DNAJC8: variants seen among roughly 807,000 people sequenced by gnomAD.
The protein encoded by DNAJC8 is dnaJ homolog subfamily C member 8.
DNAJC8 carries 24 observed loss-of-function variants against 43.2 expected under a neutral mutation model. The ratio of observed to expected loss-of-function variants is 0.56; its 90% confidence interval spans 0.40 to 0.78. The LOEUF (loss-of-function observed/expected upper bound fraction) is 0.78, where lower values mean the gene tolerates loss of function less well. Among genes scored for constraint, DNAJC8 ranks in the 30% least tolerant of loss-of-function variants. The probability of loss-of-function intolerance (pLI) is 0.00; values close to 1 mark genes in which losing one functional copy is unlikely to be tolerated. For missense variants in DNAJC8, 207 were observed against 299.4 expected (o/e 0.69, Z 2.28); for synonymous variants, 83 against 98.0 (o/e 0.85, Z 0.90).
At position 28,201,400 on chromosome 1, in the gene DNAJC8, G is replaced by A. The variant is rs1469179374; in HGVS notation, c.640-30C>T. ...GTACAAAAGAAGTTTGAGGTGAGGA[G>A]ACCAGTCAATGAGTGGAAAGGCCTA... On this transcript the variant is annotated intron_variant, in intron 8 of 8. Transcript: ENST00000263697. 4 of 1,613,156 alleles carry A rather than the reference G, an allele frequency of 2.5e-6. No individual in the cohort carries two copies. The East Asian group carries it at 8.9e-5, about 36-fold the overall frequency.
intron 5 of DNAJC8, among the ~76,000 whole-genome samples, 165 bp downstream of exon 5, chr1:28,209,807 C>A (rs1646798412): frequency 6.6e-6 from 1 of 152,186 alleles, no homozygotes; most frequent in Non-Finnish European, 1.5e-5. Context: ...TGAATTACAG[C>A]TTCAGGCACA....
chr1:28,222,559 A>T (rs1646906100), intron 2 of DNAJC8, among the ~76,000 whole-genome samples: 2 of 152,136 alleles, frequency 1.3e-5, no homozygotes, highest in Non-Finnish European at 2.9e-5. Context: ...ACAATTTTAA[A>T]AATTGAAAAA....
intron 2 of DNAJC8, among the ~76,000 whole-genome samples, chr1:28,222,793 A>C (rs1646907744): frequency 6.6e-6 from 1 of 152,116 alleles, no homozygotes. Flanking sequence ...GGGCATCCAC[A>C]GAGAAGGACA....
At chr1:28,207,172 G>T (rs1208624123) in intron 6 of DNAJC8, among the ~76,000 whole-genome samples, 3 of 151,886 alleles carry the variant, frequency 2.0e-5, no homozygotes, top group Non-Finnish European at 2.9e-5. Flanking sequence ...GAGGTCAGGA[G>T]TTTGAGATCA....
In DNAJC8 at chr1:28,228,993, G is replaced by A. The variant is rs759827210; in HGVS notation, c.109C>T (p.Leu37=). ...VKQIEKRDSV[L]TSKNQIERLT... ...CTTTCAATCTGATTTTTCGAAGTTA[G>A]AACCGAGTCTCTCTTCTCTATTTGT... The change falls in exon 2 of 9, where the codon CTA becomes TTA. Residue 37 remains leucine (L), a synonymous_variant. Coordinates refer to ENST00000263697, the MANE Select transcript of DNAJC8 (RefSeq NM_014280.3). 7.4e-6 allele frequency: 12 copies of A among 1,613,840 alleles called. No individual in the cohort carries two copies. The highest frequency in any genetic ancestry group is 1.3e-5 in the African/African-American group (1 of 74,920).
At chr1:28,226,789 G>GT (rs1646938101) in intron 2 of DNAJC8, among the ~76,000 whole-genome samples, 1 of 151,114 alleles carries the variant, frequency 6.6e-6, no homozygotes, top group African/African-American at 2.4e-5. Context: ...CATGACTAGA[G>GT]TAAGTTTCCT....
intron 3 of DNAJC8, among the ~76,000 whole-genome samples, chr1:28,214,442 G>A (rs1464655140): frequency 6.6e-6 from 1 of 152,200 alleles, no homozygotes; most frequent in Non-Finnish European, 1.5e-5. Context: ...GCTGAGGCAG[G>A]AGAACTGCTT....
intron 2 of DNAJC8, among the ~76,000 whole-genome samples, chr1:28,223,823 T>C (rs1477818343): frequency 6.6e-6 from 1 of 151,972 alleles, no homozygotes; most frequent in Non-Finnish European, 1.5e-5. Context: ...GGATGTTGGG[T>C]GTAAACATAT....
At chr1:28,215,135 T>C (rs921815024) in intron 2 of DNAJC8, 139 bp from the exon 3 acceptor site, 2 of 558,992 alleles carry the variant, frequency 3.6e-6, no homozygotes, top group Non-Finnish European at 6.1e-6. Context: ...TGGCACACAG[T>C]TCTAGAAATT....
rs541704843 is a variant in DNAJC8, at chr1:28,223,952, A to G, written c.180+4970T>C. 5.9e-5 allele frequency among the ~76,000 whole-genome samples: 9 copies of G among 152,284 alleles called. No individual in the cohort carries two copies. In the East Asian group the frequency reaches 1.5e-3, roughly 26 times the overall value. ...ATATCATTCTCTGCCAAAAGGAACC[A>G]GCGCTCCTTGGTGAAATGGTTAATT... On this transcript the variant is annotated intron_variant, in intron 2 of 8. Transcript: ENST00000263697.
intron 2 of DNAJC8, among the ~76,000 whole-genome samples, chr1:28,224,243 A>G (rs1646918311): frequency 6.6e-6 from 1 of 152,182 alleles, no homozygotes; most frequent in Non-Finnish European, 1.5e-5. Flanking sequence ...TATTCATTAC[A>G]AAGGGGAAAA....
At chr1:28,227,745 TTTAAA>T (rs1363025697) in intron 2 of DNAJC8, among the ~76,000 whole-genome samples, 1 of 151,972 alleles carries the variant, frequency 6.6e-6, no homozygotes, top group Admixed American at 6.6e-5. Flanking sequence ...GCCCCATCTC[TTTAAA>T]AAAGAAAAAG....
chr1:28,226,347 A>G (rs1181740513), intron 2 of DNAJC8, among the ~76,000 whole-genome samples: 1 of 151,194 alleles, frequency 6.6e-6, no homozygotes, highest in African/African-American at 2.4e-5. Flanking sequence ...TACAAAAAAT[A>G]CAAAAATTAG....
At chr1:28,205,150 C>T (rs560135952) in intron 7 of DNAJC8, 108 bp downstream of exon 7, 1 of 789,646 alleles carries the variant, frequency 1.3e-6, no homozygotes, top group South Asian at 1.9e-5. Context: ...TTTTTATAGT[C>T]TCTTAAATGG....
In DNAJC8 at chr1:28,232,781, C is replaced by G. The variant is rs1646989465; in HGVS notation, c.78+140G>C. ...CTATCAGTGGGAGACGCTCACACAC[C>G]CCCAGACCCCCGCCACCCCGAAGAC... is the stretch of plus-strand genomic sequence containing the variant. On this transcript the variant is annotated intron_variant, in intron 1 of 8. Transcript: ENST00000263697. The G allele has an allele frequency of 1.5e-5, 13 of 839,614 alleles. 1 individual carries two copies. The South Asian group carries it at 2.1e-4, about 14-fold the overall frequency. The allele number at this position is 839,614 out of a possible 1,614,324, so 52.0% of individuals were successfully genotyped here.
At chr1:28,217,671 T>C (rs1167869418) in intron 2 of DNAJC8, among the ~76,000 whole-genome samples, 1 of 151,858 alleles carries the variant, frequency 6.6e-6, no homozygotes, top group Non-Finnish European at 1.5e-5. Context: ...AAGGAATCTC[T>C]AGGGGTAAAC....
intron 6 of DNAJC8, among the ~76,000 whole-genome samples, chr1:28,206,468 C>A (rs569774085): frequency 3.9e-5 from 6 of 151,990 alleles, no homozygotes; most frequent in Non-Finnish European, 8.8e-5. Context: ...CCTAGGAGGT[C>A]AAGGCTGCAG....
At chr1:28,218,491 A>G (rs1023241439) in intron 2 of DNAJC8, among the ~76,000 whole-genome samples, 1 of 151,804 alleles carries the variant, frequency 6.6e-6, no homozygotes, top group African/African-American at 2.4e-5. Context: ...ATCATAGGTC[A>G]CTGCAGCCTC....
At chr1:28,204,670 T>A (rs1336877883) in intron 7 of DNAJC8, among the ~76,000 whole-genome samples, 6 of 152,190 alleles carry the variant, frequency 3.9e-5, no homozygotes, top group Non-Finnish European at 8.8e-5. Flanking sequence ...ACAATGGCCT[T>A]AATAACTGCT....
Sources: allele counts gnomAD v4.1 joint callset (sites outside exome capture counted in the v4.1 genomes callset), GRCh38; gene constraint gnomAD v4.1.1; transcripts MANE v1.5; gene names NCBI Gene and HGNC (gene_info 2026-07-23, HGNC 2026-07-21).